Variants in KCNH7 observed in about 807,000 individuals in gnomAD.
KCNH7 encodes voltage-gated inwardly rectifying potassium channel KCNH7.
KCNH7 carries 49 observed loss-of-function variants against 120.8 expected under a neutral mutation model. The ratio of observed to expected loss-of-function variants is 0.41; its 90% CI spans 0.32 to 0.51. The LOEUF (loss-of-function observed/expected upper bound fraction) is 0.51. Among genes scored for constraint, KCNH7 ranks in the 20% least tolerant of loss-of-function variants. The pLI is 0.38. For synonymous variants in KCNH7, 547 were observed against 516.1 expected (o/e 1.06, Z -0.81); for missense variants, 1,097 against 1,446.6 (o/e 0.76, Z 3.92).
chr2:162,760,010 A>T (rs1688914130), intron 2 of KCNH7, among the ~76,000 whole-genome samples: 1 of 152,128 alleles, frequency 6.6e-6, no homozygotes, highest in African/African-American at 2.4e-5. Context: ...TAATAACGTC[A>T]CTTAAGTGGA....
intron 14 of KCNH7, among the ~76,000 whole-genome samples, chr2:162,374,581 A>C (rs1686093508): frequency 6.6e-6 from 1 of 152,174 alleles, no homozygotes; most frequent in Non-Finnish European, 1.5e-5. Flanking sequence ...TGGAAATAAA[A>C]CAAAAAAAGG....
At chr2:162,373,437 A>T (rs758444461) in intron 15 of KCNH7, 33 bp downstream of exon 15, 2 of 1,420,096 alleles carry the variant, frequency 1.4e-6, no homozygotes, top group South Asian at 3.2e-5. Context: ...ACACTGTGAG[A>T]GACACTCTTG....
chr2:162,595,849 C>A (rs548370594), intron 2 of KCNH7, among the ~76,000 whole-genome samples: 4 of 151,082 alleles, frequency 2.6e-5, no homozygotes, highest in African/African-American at 7.3e-5. Context: ...GTTAGAACAG[C>A]GAAATAAATT....
At chr2:162,596,343 C>T (rs1307431561) in intron 2 of KCNH7, among the ~76,000 whole-genome samples, 1 of 151,994 alleles carries the variant, frequency 6.6e-6, no homozygotes, top group Admixed American at 6.6e-5. Context: ...ATGGTATTGG[C>T]AAAACAACAG....
intron 2 of KCNH7, among the ~76,000 whole-genome samples, chr2:162,562,490 G>T (rs1693107184): frequency 6.6e-6 from 1 of 152,110 alleles, no homozygotes; most frequent in Admixed American, 6.5e-5. Flanking sequence ...GTGGCTTTGG[G>T]GTGAGTCCAA....
At chr2:162,810,234 T>C (rs999302327) in intron 2 of KCNH7, among the ~76,000 whole-genome samples, 11 of 152,146 alleles carry the variant, frequency 7.2e-5, no homozygotes, top group African/African-American at 2.7e-4. Context: ...CTTAATATAA[T>C]ATACATTTAT....
chr2:162,767,912 A>AT (rs1289960142), intron 2 of KCNH7, among the ~76,000 whole-genome samples: 1 of 152,190 alleles, frequency 6.6e-6, no homozygotes, highest in Non-Finnish European at 1.5e-5. Context: ...TCACAAGGCT[A>AT]TTTATAAAGT....
chr2:162,488,707 G>A (rs1403311882), intron 6 of KCNH7, among the ~76,000 whole-genome samples: 1 of 152,136 alleles, frequency 6.6e-6, no homozygotes, highest in African/African-American at 2.4e-5. Flanking sequence ...TCTCACTGAG[G>A]TGCCCCACTG....
chr2:162,422,273 T>C (rs1687731492), intron 9 of KCNH7, among the ~76,000 whole-genome samples: 1 of 152,184 alleles, frequency 6.6e-6, no homozygotes. Flanking sequence ...TCTGCACCAT[T>C]CCTGCTAATT....
At chr2:162,433,903 G>A (rs143334757) in intron 8 of KCNH7, among the ~76,000 whole-genome samples, 197 of 151,906 alleles carry the variant, frequency 1.3e-3, no homozygotes, top group African/African-American at 3.5e-3. Context: ...AAAATAAATC[G>A]TTCTACCAAA....
rs141241147 is a variant in KCNH7 at position 162,536,949 on chromosome 2, T to C, written c.439A>G (p.Ile147Val). 6.2e-7 allele frequency: 1 copy of C among 1,612,766 alleles called. No individual in the cohort carries two copies. Among genetic ancestry groups the C allele is most frequent in the South Asian group, 1.1e-5 (1 of 91,008 alleles). The change falls in exon 3 of 16, where the codon ATA (isoleucine) becomes GTA (valine). Residue 147 changes from isoleucine (I) to valine (V), a missense_variant. By Grantham distance (29) the Ile-to-Val change is conservative. Coordinates refer to ENST00000332142, the MANE Select transcript of KCNH7 (RefSeq NM_033272.4). ...NAATPERVNP[I>V]LPIKTVNRKF... ...CGGTTTACAGTTTTGATTGGTAATATTGGGTTTACCCTCTCTGGGGTGGCA... is the reference window on the plus strand; with the variant it reads ...CGGTTTACAGTTTTGATTGGTAATACTGGGTTTACCCTCTCTGGGGTGGCA...
chr2:162,601,226 T>C (rs796321155), intron 2 of KCNH7, among the ~76,000 whole-genome samples: 117 of 152,034 alleles, frequency 7.7e-4, no homozygotes, highest in African/African-American at 2.6e-3. Flanking sequence ...CAGTGGTTTA[T>C]AGATAACAGG....
intron 6 of KCNH7, among the ~76,000 whole-genome samples, chr2:162,484,327 G>C (rs1381092405): frequency 1.3e-5 from 2 of 151,940 alleles, no homozygotes; most frequent in African/African-American, 4.8e-5. Flanking sequence ...GTTGAATCTG[G>C]GGAAGTGTAC....
Position 162,542,604 on chromosome 2 carries a change from T to C in KCNH7, c.308-5524A>G, listed in dbSNP as rs187704384. Among the ~76,000 whole-genome samples, 484 of 152,172 alleles carry C rather than the reference T, an allele frequency of 3.2e-3. 2 individuals are homozygous for C. Among genetic ancestry groups the C allele is most frequent in the African/African-American group, 0.011 (463 of 41,518 alleles). On this transcript the variant is annotated intron_variant, in intron 2 of 15. Transcript: ENST00000332142. ...CTCATCATTTTTTATGGCTGCACAA[T>C]ATTCCATGGTGTATATGTGCCACAT...
At chr2:162,659,373 G>A (rs990847527) in intron 2 of KCNH7, among the ~76,000 whole-genome samples, 5 of 144,516 alleles carry the variant, frequency 3.5e-5, no homozygotes, top group African/African-American at 7.7e-5. Context: ...ACTCAGTCTC[G>A]CTTTGTCACC....
intron 6 of KCNH7, among the ~76,000 whole-genome samples, chr2:162,475,935 T>C (rs1181551853): frequency 6.6e-6 from 1 of 152,198 alleles, no homozygotes; most frequent in African/African-American, 2.4e-5. Flanking sequence ...TGGACGTTTG[T>C]TAGTTTGTAT....
At chr2:162,682,780 A>C (rs970049991) in intron 2 of KCNH7, among the ~76,000 whole-genome samples, 1 of 151,802 alleles carries the variant, frequency 6.6e-6, no homozygotes, top group African/African-American at 2.4e-5. Context: ...AAGTTTAAAA[A>C]TGTACAAAGA....
Position 162,614,730 on chromosome 2 carries a change from T to C in KCNH7, c.308-77650A>G, listed in dbSNP as rs547186216. ...TATATACTACATATTATATATATAT[T>C]TGTAGTGAAGTATAAAACATGACAG... On this transcript the variant is annotated intron_variant, in intron 2 of 15. Transcript: ENST00000332142. Among the ~76,000 whole-genome samples, 163 of 148,804 alleles carry C rather than the reference T, an allele frequency of 1.1e-3. 1 individual carries two copies. Among genetic ancestry groups the C allele is most frequent in the Non-Finnish European group, 1.8e-3 (119 of 67,338 alleles).
chr2:162,505,027 G>C (rs1326533582), intron 5 of KCNH7, among the ~76,000 whole-genome samples: 1 of 151,880 alleles, frequency 6.6e-6, no homozygotes, highest in Non-Finnish European at 1.5e-5. Context: ...ATTTAAGAAG[G>C]ACTTACCTAT....
Sources: gnomAD v4.1 joint callset for allele counts (sites outside exome capture counted in the v4.1 genomes callset) on GRCh38, gnomAD v4.1.1 for gene constraint, MANE v1.5 for transcripts, NCBI Gene and HGNC (gene_info 2026-07-23, HGNC 2026-07-21) for gene names.